PRKCA: variants seen among roughly 807,000 people sequenced by gnomAD.
PRKCA encodes protein kinase C alpha type.
PRKCA carries 27 observed loss-of-function variants against 87.0 expected under a neutral mutation model. That is an observed-to-expected ratio of 0.31 (90% CI 0.23 to 0.43). The LOEUF is 0.43. Among genes scored for constraint, PRKCA ranks in the 20% least tolerant of loss-of-function variants. The pLI is 1.00. For synonymous variants in PRKCA, 329 were observed against 311.1 expected, an observed-to-expected ratio of 1.06 and a Z score of -0.61; for missense variants, 518 against 852.3, an observed-to-expected ratio of 0.61 and a Z score of 4.88.
chr17:66,612,381 CA>C (rs1200272317), intron 3 of PRKCA, among the ~76,000 whole-genome samples: 8,237 of 87,804 alleles, frequency 0.094, 560 homozygotes, highest in African/African-American at 0.27. Context: ...AAATCTGTCT[CA>C]AAAAAAAAAA....
At chr17:66,679,653 C>G (rs150835841) in intron 5 of PRKCA, among the ~76,000 whole-genome samples, 9 of 152,358 alleles carry the variant, frequency 5.9e-5, no homozygotes, top group African/African-American at 2.2e-4. Context: ...CCTCTGTGCT[C>G]TTTGGCCACC....
intron 5 of PRKCA, among the ~76,000 whole-genome samples, chr17:66,686,601 T>G (rs1972634105): frequency 6.6e-6 from 1 of 152,156 alleles, no homozygotes; most frequent in Admixed American, 6.5e-5. Flanking sequence ...AACCCCCATG[T>G]GATTCCAATG....
At chr17:66,572,239 G>A (rs1329059481) in intron 3 of PRKCA, among the ~76,000 whole-genome samples, 1 of 152,210 alleles carries the variant, frequency 6.6e-6, no homozygotes, top group African/African-American at 2.4e-5. Flanking sequence ...GACAGAGGTG[G>A]GCGGATCACC....
intron 5 of PRKCA, among the ~76,000 whole-genome samples, chr17:66,669,408 A>G (rs1007899999): frequency 2.0e-5 from 3 of 152,180 alleles, no homozygotes; most frequent in Non-Finnish European, 4.4e-5. Flanking sequence ...AACCATGGTG[A>G]TGAAAGAGAG....
At chr17:66,741,404 TA>T (rs1974156031) in intron 11 of PRKCA, among the ~76,000 whole-genome samples, 1 of 152,184 alleles carries the variant, frequency 6.6e-6, no homozygotes, top group Admixed American at 6.5e-5. Flanking sequence ...CTGCAGGCAA[TA>T]AGCTACTTGT....
intron 2 of PRKCA, 50 bp from the exon 3 acceptor site, chr17:66,496,151 G>T (rs563860346): frequency 7.1e-7 from 1 of 1,409,244 alleles, no homozygotes; most frequent in East Asian, 2.3e-5. Flanking sequence ...AATAAAGCTC[G>T]TATGTTAAAT....
At chr17:66,529,468 G>C (rs1967463667) in intron 3 of PRKCA, among the ~76,000 whole-genome samples, 1 of 152,088 alleles carries the variant, frequency 6.6e-6, no homozygotes, top group Non-Finnish European at 1.5e-5. Context: ...CACTGGTAAG[G>C]GCCATGGAGC....
At chr17:66,610,169 G>A (rs1970316490) in intron 3 of PRKCA, among the ~76,000 whole-genome samples, 1 of 152,162 alleles carries the variant, frequency 6.6e-6, no homozygotes, top group Non-Finnish European at 1.5e-5. Context: ...ACAGCTCGCA[G>A]AACTCAGGAA....
At chr17:66,555,932 G>A (rs1968480908) in intron 3 of PRKCA, among the ~76,000 whole-genome samples, 1 of 151,964 alleles carries the variant, frequency 6.6e-6, no homozygotes, top group Non-Finnish European at 1.5e-5. Context: ...TTTTGTTCCT[G>A]TCGTTAAATA....
intron 3 of PRKCA, among the ~76,000 whole-genome samples, chr17:66,510,401 AT>A (rs1555612477): frequency 6.6e-6 from 1 of 152,138 alleles, no homozygotes; most frequent in African/African-American, 2.4e-5. Flanking sequence ...CCTCATGAGC[AT>A]TTTTTGGTTA....
At chr17:66,762,606 C>T (rs2144300448) in intron 13 of PRKCA, among the ~76,000 whole-genome samples, 1 of 152,226 alleles carries the variant, frequency 6.6e-6, no homozygotes, top group Non-Finnish European at 1.5e-5. Context: ...TCACTTCTCC[C>T]CTGCTGCGGG....
intron 13 of PRKCA, among the ~76,000 whole-genome samples, chr17:66,745,509 A>G (rs1466536346): frequency 6.6e-6 from 1 of 152,026 alleles, no homozygotes. Context: ...GTGAAACCCC[A>G]TCTCTACTAA....
At chr17:66,579,990 C>T (rs1184473496) in intron 3 of PRKCA, among the ~76,000 whole-genome samples, 3 of 152,142 alleles carry the variant, frequency 2.0e-5, no homozygotes, top group African/African-American at 2.4e-5. Context: ...TTCTCTGCGC[C>T]GGAGATCCTC....
chr17:66,641,674 C>A (rs561953985), intron 4 of PRKCA, among the ~76,000 whole-genome samples: 1 of 151,520 alleles, frequency 6.6e-6, no homozygotes, highest in African/African-American at 2.4e-5. Context: ...TATGAACCCC[C>A]AAAAAGCACT....
chr17:66,558,034 G>A (rs780030641), intron 3 of PRKCA, among the ~76,000 whole-genome samples: 7 of 152,198 alleles, frequency 4.6e-5, no homozygotes, highest in South Asian at 2.1e-4. Context: ...ACTGCCCACC[G>A]TTCCCAATTG....
At chr17:66,331,814 G>C (rs1049427813) in intron 2 of PRKCA, among the ~76,000 whole-genome samples, 1 of 152,166 alleles carries the variant, frequency 6.6e-6, no homozygotes, top group African/African-American at 2.4e-5. Context: ...TGCCCCATCT[G>C]TATTATCTTT....
chr17:66,514,268 G>A (rs1966890185), intron 3 of PRKCA, among the ~76,000 whole-genome samples: 1 of 152,130 alleles, frequency 6.6e-6, no homozygotes, highest in South Asian at 2.1e-4. Context: ...AAGGGCGACT[G>A]TACTTGTACC....
intron 2 of PRKCA, among the ~76,000 whole-genome samples, chr17:66,478,003 TAGA>T (rs1430145553): frequency 2.0e-5 from 3 of 152,204 alleles, no homozygotes; most frequent in Non-Finnish European, 4.4e-5. Flanking sequence ...TCAATCAATT[TAGA>T]AGTTTATTTT....
intron 3 of PRKCA, among the ~76,000 whole-genome samples, chr17:66,579,439 A>G (rs1340306443): frequency 2.6e-5 from 4 of 152,212 alleles, no homozygotes; most frequent in African/African-American, 9.7e-5. Context: ...TAGGGGTCAG[A>G]GGTCACGCTT....
Sources: allele counts gnomAD v4.1 joint callset (sites outside exome capture counted in the v4.1 genomes callset), GRCh38; gene constraint gnomAD v4.1.1; transcripts MANE v1.5; gene names NCBI Gene and HGNC (gene_info 2026-07-23, HGNC 2026-07-21).